KLHL1: variants seen among roughly 807,000 people sequenced by gnomAD.
The protein encoded by KLHL1 is kelch like family member 1.
KLHL1 carries 47 observed loss-of-function variants against 77.7 expected under a neutral mutation model. The observed-to-expected ratio is 0.60, with a 90% CI of 0.48 to 0.77. The LOEUF (loss-of-function observed/expected upper bound fraction) is 0.77, where lower values mean the gene tolerates loss of function less well. KLHL1 is among the 30% of genes least tolerant of loss of function. The pLI is 0.00. For missense variants in KLHL1, 925 were observed against 910.8 expected, an observed-to-expected ratio of 1.02 and a Z score of -0.20; for synonymous variants, 360 against 325.2, an observed-to-expected ratio of 1.11 and a Z score of -1.15.
intron 1 of KLHL1, among the ~76,000 whole-genome samples, chr13:70,027,907 C>T (rs921883830): frequency 4.6e-5 from 7 of 152,070 alleles, no homozygotes; most frequent in Non-Finnish European, 7.4e-5. Flanking sequence ...CGATGTTACA[C>T]AGTGGCAAAG....
intron 7 of KLHL1, among the ~76,000 whole-genome samples, chr13:69,786,484 T>G (rs1876555641): frequency 6.6e-6 from 1 of 152,042 alleles, no homozygotes; most frequent in Non-Finnish European, 1.5e-5. Context: ...TCTCAATAAA[T>G]TAGGTATTGA....
intron 9 of KLHL1, among the ~76,000 whole-genome samples, chr13:69,713,728 T>A (rs1462819454): frequency 2.6e-5 from 4 of 152,126 alleles, no homozygotes; most frequent in Admixed American, 2.6e-4. Flanking sequence ...TATTTTAGTT[T>A]ATAACATATA....
chr13:70,069,435 ACAAAAAATT>A (rs1887088738), intron 1 of KLHL1, among the ~76,000 whole-genome samples: 1 of 152,238 alleles, frequency 6.6e-6, no homozygotes, highest in East Asian at 1.9e-4. Flanking sequence ...ATGTCTTTTA[ACAAAAAATT>A]ACAAGGCATG....
At chr13:70,035,189 GC>G (rs1886208652) in intron 1 of KLHL1, among the ~76,000 whole-genome samples, 1 of 152,040 alleles carries the variant, frequency 6.6e-6, no homozygotes, top group Admixed American at 6.6e-5. Flanking sequence ...AAATTTGGAA[GC>G]AATCTAAGTG....
chr13:69,797,642 C>T (rs1877171225), intron 6 of KLHL1, among the ~76,000 whole-genome samples: 1 of 147,156 alleles, frequency 6.8e-6, no homozygotes, highest in African/African-American at 2.6e-5. Context: ...AACGGTGAAA[C>T]CCCGTCTCTA....
intron 5 of KLHL1, among the ~76,000 whole-genome samples, chr13:69,862,442 T>C (rs1880209983): frequency 6.6e-6 from 1 of 152,064 alleles, no homozygotes; most frequent in Non-Finnish European, 1.5e-5. Context: ...ACCCTTAAGG[T>C]ATGTGAGAAA....
In KLHL1 at chr13:69,725,774, A is replaced by G. The variant is rs903877802; in HGVS notation, c.1803-6193T>C. ...TCCTGTTCACTGTCCTGTAAGGCAT[A>G]TTAACAAATACCTCCCACAGAAAGG... is the stretch of plus-strand genomic sequence containing the variant. On this transcript the variant is annotated intron_variant, in intron 8 of 10. Transcript: ENST00000377844. Among the ~76,000 whole-genome samples, 6 of 152,258 alleles carry G rather than the reference A, an allele frequency of 3.9e-5. No individual in the cohort carries two copies. In the South Asian group the frequency reaches 1.0e-3, roughly 26 times the overall value.
chr13:69,998,033 T>C (rs1362539326), intron 1 of KLHL1, among the ~76,000 whole-genome samples: 4 of 151,830 alleles, frequency 2.6e-5, no homozygotes, highest in Non-Finnish European at 5.9e-5. Flanking sequence ...TGCAATACTG[T>C]TTTCTATGGT....
At position 69,975,819 on chromosome 13, in the gene KLHL1, C is replaced by G; in HGVS notation, c.498-17G>C. ...GATGACAGCCTATAAACCACACACA[C>G]ACACACACACACACAAAATAATAAA... On this transcript the variant is annotated splice_polypyrimidine_tract_variant and intron_variant, in intron 1 of 10. Coordinates refer to ENST00000377844, the MANE Select transcript of KLHL1 (RefSeq NM_020866.3). 6.5e-7 allele frequency: 1 copy of G among 1,536,010 alleles called. No individual in the cohort carries two copies. The highest frequency in any genetic ancestry group is 8.7e-7 in the Non-Finnish European group (1 of 1,148,980).
chr13:69,906,207 AT>A (rs1882040615), intron 4 of KLHL1, among the ~76,000 whole-genome samples: 1 of 152,068 alleles, frequency 6.6e-6, no homozygotes, highest in Non-Finnish European at 1.5e-5. Flanking sequence ...AAGACTGGAC[AT>A]TTTAATTACA....
intron 1 of KLHL1, among the ~76,000 whole-genome samples, chr13:70,055,730 C>T (rs780729775): frequency 1.4e-4 from 22 of 151,854 alleles, no homozygotes; most frequent in Non-Finnish European, 2.9e-4. Flanking sequence ...TTTGTTTTCG[C>T]AATGAGAGTT....
At chr13:69,703,998 GATTATATTGGGTAATT>G (rs2137867185) in intron 10 of KLHL1, among the ~76,000 whole-genome samples, 1 of 151,666 alleles carries the variant, frequency 6.6e-6, no homozygotes, top group South Asian at 2.1e-4. Flanking sequence ...ATGGAAATGG[GATTATATTGGGTAATT>G]GTATTTTTGG....
intron 1 of KLHL1, among the ~76,000 whole-genome samples, chr13:70,086,096 T>C (rs914844305): frequency 6.6e-6 from 1 of 152,126 alleles, no homozygotes; most frequent in Non-Finnish European, 1.5e-5. Flanking sequence ...AATGGAAATG[T>C]ACCTACAGTG....
intron 5 of KLHL1, among the ~76,000 whole-genome samples, chr13:69,878,709 TATAGAG>T (rs774238026): frequency 1.7e-3 from 261 of 149,772 alleles, no homozygotes; most frequent in Admixed American, 3.1e-3. Context: ...TATATATATA[TATAGAG>T]AGAGAGAGAG....
intron 2 of KLHL1, among the ~76,000 whole-genome samples, chr13:69,970,782 C>T (rs1884360577): frequency 1.3e-5 from 2 of 152,122 alleles, no homozygotes; most frequent in Non-Finnish European, 2.9e-5. Flanking sequence ...TTGTTCCTTC[C>T]TCTGCCTGCT....
chr13:70,012,296 T>C (rs1442714482), intron 1 of KLHL1, among the ~76,000 whole-genome samples: 1 of 152,198 alleles, frequency 6.6e-6, no homozygotes, highest in African/African-American at 2.4e-5. Flanking sequence ...CATATTCCCT[T>C]CACTATTTTC....
intron 4 of KLHL1, among the ~76,000 whole-genome samples, chr13:69,903,728 G>A (rs550123515): frequency 8.8e-4 from 106 of 120,654 alleles, no homozygotes; most frequent in Admixed American, 6.1e-3. Flanking sequence ...TGCAACCTCC[G>A]CCTCCTGGGT....
intron 7 of KLHL1, among the ~76,000 whole-genome samples, chr13:69,767,253 T>TC (rs1875350621): frequency 6.6e-6 from 1 of 152,128 alleles, no homozygotes; most frequent in African/African-American, 2.4e-5. Context: ...ATGTAAAAAT[T>TC]CAAAAAAAAT....
At chr13:70,034,399 A>G (rs906596740) in intron 1 of KLHL1, among the ~76,000 whole-genome samples, 1 of 152,170 alleles carries the variant, frequency 6.6e-6, no homozygotes, top group Admixed American at 6.5e-5. Context: ...AATGAAGGAT[A>G]TGAACCTGGG....
Sources: gnomAD v4.1 joint callset for allele counts (sites outside exome capture counted in the v4.1 genomes callset) on GRCh38, gnomAD v4.1.1 for gene constraint, MANE v1.5 for transcripts, NCBI Gene and HGNC (gene_info 2026-07-23, HGNC 2026-07-21) for gene names.